Variants in KIAA0408 observed in about 807,000 individuals in gnomAD.
KIAA0408 encodes KIAA0408.
KIAA0408 carries 51 observed loss-of-function variants against 60.9 expected under a neutral mutation model. That is an observed-to-expected ratio of 0.84 (90% CI 0.67 to 1.06). The LOEUF is 1.06. KIAA0408 is among the 50% of genes least tolerant of loss of function. The pLI is 0.00. For missense variants in KIAA0408, 787 were observed against 833.9 expected (o/e 0.94, Z 0.69); for synonymous variants, 304 against 282.4 (o/e 1.08, Z -0.77).
At chr6:127,446,150 G>C (rs771172947) in intron 5 of KIAA0408, among the ~76,000 whole-genome samples, 13 of 152,050 alleles carry the variant, frequency 8.5e-5, no homozygotes, top group Non-Finnish European at 1.8e-4. Context: ...ATCTTCTTCA[G>C]GTTCCTAAAT....
chr6:127,445,423 T>C (rs17054679), intron 5 of KIAA0408, among the ~76,000 whole-genome samples: 2,637 of 152,278 alleles, frequency 0.017, 71 homozygotes, highest in African/African-American at 0.059. Context: ...GGATACTTTC[T>C]GCACCTTATA....
At chr6:127,450,595 C>CA (rs1773285639) in intron 2 of KIAA0408, 2 of 392,748 alleles carry the variant, frequency 5.1e-6, no homozygotes, top group African/African-American at 4.2e-5. Context: ...GACTAGCAAT[C>CA]AATCATTCAA....
rs1436743463 is a variant in KIAA0408 at position 127,442,750 on chromosome 6, A to G, written c.*1359T>C. ...AATACATTTGGCATAAGAATTTCTT[A>G]GTAAAAGAAAAGCTTAAATAGAGTT... is the stretch of plus-strand genomic sequence containing the variant. On this transcript the variant is annotated 3_prime_UTR_variant, in exon 6 of 6. Transcript: ENST00000483725. 1 of 152,232 alleles carries G rather than the reference A, an allele frequency of 6.6e-6. No homozygotes were observed. The highest frequency in any genetic ancestry group is 1.5e-5 in the Non-Finnish European group (1 of 68,024). The allele number at this position is 152,232 out of a possible 1,614,324, so 9.4% of individuals were successfully genotyped here.
chr6:127,440,978 T>C lies in KIAA0408; in HGVS notation c.*3131A>G, dbSNP rs1482538362. The C allele has an allele frequency of 1.3e-5, 2 of 152,206 alleles. No individual in the cohort carries two copies. The highest frequency in any genetic ancestry group is 6.5e-5 in the Admixed American group (1 of 15,274). The allele number at this position is 152,206 out of a possible 1,614,324, so 9.4% of individuals were successfully genotyped here. ...TTAGATTTCATAAGACACTTAGCTT[T>C]ACTGGAGTTCACTGCAGAAAATGAG... On this transcript the variant is annotated 3_prime_UTR_variant, in exon 6 of 6. Coordinates refer to ENST00000483725, the MANE Select transcript of KIAA0408 (RefSeq NM_014702.5).
At chr6:127,454,634 C>T (rs1473095324) in intron 1 of KIAA0408, among the ~76,000 whole-genome samples, 1 of 152,076 alleles carries the variant, frequency 6.6e-6, no homozygotes, top group East Asian at 1.9e-4. Context: ...TGGTAGTCAA[C>T]TTAGGACTGA....
In KIAA0408 at chr6:127,447,410, A is replaced by C. The variant is rs2114793678; in HGVS notation, c.909T>G (p.Gly303=). ...LDHNSWVPHE[G]RSKRNYNPHF... is the part of the protein sequence containing the mutation. ...GAGGGTTGTAATTCCTTTTACTTCG[A>C]CCCTCATGGGGCACCCAGCTGTTGT... The change falls in exon 5 of 6, where the codon GGT becomes GGG. Residue 303 remains glycine (G), a synonymous_variant. Coordinates refer to ENST00000483725, the MANE Select transcript of KIAA0408 (RefSeq NM_014702.5). The C allele has an allele frequency of 6.2e-7, 1 of 1,613,298 alleles. No individual in the cohort carries two copies. The highest frequency in any genetic ancestry group is 8.5e-7 in the Non-Finnish European group (1 of 1,179,764).
Position 127,447,645 on chromosome 6 carries a change from A to T in KIAA0408, c.674T>A (p.Ile225Asn). ...MINNDQCILP[I>N]SLEKEKQKNR... Reference sequence around the variant, plus strand: ...TTTCTGTTTTTCTTTTTCTAAACTGATTGGAAGAATGCACTGGTCATTGTT... The same window carrying T: ...TTTCTGTTTTTCTTTTTCTAAACTGTTTGGAAGAATGCACTGGTCATTGTT... The change falls in exon 5 of 6, where the codon ATC becomes AAC. Residue 225 changes from isoleucine to asparagine, a missense_variant. Physicochemically the swap from Ile to Asn is moderately radical, Grantham distance 149. Around this residue, in one of 3 missense-constraint regions of KIAA0408, gnomAD observed 640 missense variants for 681.3 expected, o/e 0.94. Transcript: ENST00000483725. The T allele has an allele frequency of 6.2e-7, 1 of 1,612,286 alleles. No individual in the cohort carries two copies.
At chr6:127,453,824 A>G (rs1033256963) in intron 2 of KIAA0408, 23 bp downstream of exon 2, 8 of 1,608,710 alleles carry the variant, frequency 5.0e-6, no homozygotes, top group Non-Finnish European at 6.8e-6. Flanking sequence ...ATTACAGTAT[A>G]TCCAAAACAA....
intron 5 of KIAA0408, among the ~76,000 whole-genome samples, chr6:127,445,853 C>A (rs1327689858): frequency 6.6e-6 from 1 of 151,776 alleles, no homozygotes; most frequent in Admixed American, 6.6e-5. Context: ...TAAGAATAAC[C>A]TTATTTATAT....
At position 127,447,479 on chromosome 6, in the gene KIAA0408, C is replaced by T. The variant is rs138966810; in HGVS notation, c.840G>A (p.Ser280=). ...PRSTSRNFPS[S]DSEQAYERWK... is the part of the protein sequence containing the mutation. ...ATCTTTCATAGGCTTGTTCAGAATC[C>T]GAGCTGGGAAAATTTCGAGAGGTGC... Residue 280 remains serine (S), a synonymous_variant, in exon 5 of 6, where the codon TCG becomes TCA. Coordinates refer to ENST00000483725, the MANE Select transcript of KIAA0408 (RefSeq NM_014702.5). 1.2e-4 allele frequency: 189 copies of T among 1,613,452 alleles called. No homozygotes were observed. Among genetic ancestry groups the T allele is most frequent in the Middle Eastern group, 4.9e-4 (3 of 6,076 alleles).
intron 1 of KIAA0408, among the ~76,000 whole-genome samples, chr6:127,456,317 A>G (rs1583072836): frequency 6.6e-6 from 1 of 152,188 alleles, no homozygotes; most frequent in Non-Finnish European, 1.5e-5. Context: ...ACAATTATGT[A>G]GCAAATGGCT....
In KIAA0408 at chr6:127,443,438, A is replaced by C. The variant is rs1279128341; in HGVS notation, c.*671T>G. ...ACAAGGCTGATCTATTAAACTTGTG[A>C]CATTTTTATTTAAAAAGAATAAACA... On this transcript the variant is annotated 3_prime_UTR_variant, in exon 6 of 6. Coordinates refer to ENST00000483725, the MANE Select transcript of KIAA0408 (RefSeq NM_014702.5). 6.6e-6 allele frequency: 1 copy of C among 152,208 alleles called. No individual in the cohort carries two copies. The highest frequency in any genetic ancestry group is 1.9e-4 in the East Asian group (1 of 5,200). 9.4% of individuals were successfully genotyped at this position (152,208 alleles called of 1,614,324 possible).
chr6:127,457,014 A>G (rs1773407610), intron 1 of KIAA0408, among the ~76,000 whole-genome samples: 1 of 151,978 alleles, frequency 6.6e-6, no homozygotes, highest in Admixed American at 6.6e-5. Flanking sequence ...CTCTGGAAAA[A>G]AAACAGATTA....
intron 2 of KIAA0408, chr6:127,450,982 C>T (rs3756997): frequency 0.55 from 88,048 of 160,646 alleles, 25,128 homozygotes; most frequent in Non-Finnish European, 0.6. Flanking sequence ...CAATACCCTA[C>T]GTGATATAAT....
rs746294173 is a variant in KIAA0408 at position 127,444,161 on chromosome 6, C to T, written c.2033G>A (p.Arg678Lys). 3 of 1,613,950 alleles carry T rather than the reference C, an allele frequency of 1.9e-6. No homozygotes were observed. The South Asian group carries it at 3.3e-5, about 18-fold the overall frequency. ...AGAAATGGTATAGTTGTGGGTAGTTCTCCGCAAGGCAGGGGGTGCAGATGG... is the reference window on the plus strand; with the variant it reads ...AGAAATGGTATAGTTGTGGGTAGTTTTCCGCAAGGCAGGGGGTGCAGATGG... Reference protein sequence around the residue: ...RSPSAPPALRRTTHNYTISLR... With the variant: ...RSPSAPPALRKTTHNYTISLR... Residue 678 changes from arginine to lysine, a missense_variant, in exon 6 of 6, where the codon AGA becomes AAA. Transcript: ENST00000483725.
At chr6:127,455,981 A>C (rs1170758817) in intron 1 of KIAA0408, among the ~76,000 whole-genome samples, 1 of 152,174 alleles carries the variant, frequency 6.6e-6, no homozygotes, top group Non-Finnish European at 1.5e-5. Flanking sequence ...AATACCTAGT[A>C]ATCTTTTAGG....
rs1281651120 is a variant in KIAA0408 at position 127,438,747 on chromosome 6, A to T, written c.*5362T>A. On this transcript the variant is annotated 3_prime_UTR_variant, in exon 6 of 6. Transcript: ENST00000483725. ...AAAAGTATAGCAAAAATATTGTATT[A>T]TAATCTTATCATCATATATGTGCAT... 6.6e-6 allele frequency: 1 copy of T among 152,246 alleles called. No individual in the cohort carries two copies. Among genetic ancestry groups the T allele is most frequent in the African/African-American group, 2.4e-5 (1 of 41,468 alleles). 9.4% of individuals were successfully genotyped at this position (152,246 alleles called of 1,614,324 possible).
rs986661000 is a variant in KIAA0408, at chr6:127,447,174, C to T, written c.1145G>A (p.Cys382Tyr). 3.7e-6 allele frequency: 6 copies of T among 1,612,632 alleles called. No individual in the cohort carries two copies. The highest frequency in any genetic ancestry group is 5.1e-6 in the Non-Finnish European group (6 of 1,179,470). Reference protein sequence around the residue: ...SPSTSWFQKTCSTPSNPKYEM... With the variant: ...SPSTSWFQKTYSTPSNPKYEM... ...ATATTTTGGATTACTGGGGGTAGAG[C>T]AGGTTTTCTGAAACCACGAAGTAGA... The change falls in exon 5 of 6, where the codon TGC becomes TAC. Residue 382 changes from cysteine to tyrosine, a missense_variant. By Grantham distance (194) the Cys-to-Tyr change is radical (BLOSUM62 -2). This residue lies in a region of KIAA0408 where 640 missense variants were observed against 681.3 expected (regional missense o/e 0.94). Coordinates refer to ENST00000483725, the MANE Select transcript of KIAA0408 (RefSeq NM_014702.5).
In KIAA0408 at chr6:127,441,565, T is replaced by C. The variant is rs1322609800; in HGVS notation, c.*2544A>G. The C allele has an allele frequency of 6.6e-6, 1 of 152,218 alleles. No homozygotes were observed. The highest frequency in any genetic ancestry group is 1.5e-5 in the Non-Finnish European group (1 of 68,036). The allele number at this position is 152,218 out of a possible 1,614,324, so 9.4% of individuals were successfully genotyped here. A position where few individuals can be genotyped will look rare whatever the true frequency, so the allele number is the denominator to read the frequency against. ...GCTAGGGAAAACATCTATTAATATATGTTTTTAAATCAAATATTTCCAGAA... is the reference window on the plus strand; with the variant it reads ...GCTAGGGAAAACATCTATTAATATACGTTTTTAAATCAAATATTTCCAGAA... On this transcript the variant is annotated 3_prime_UTR_variant, in exon 6 of 6. Transcript: ENST00000483725.
Sources: allele counts gnomAD v4.1 joint callset (sites outside exome capture counted in the v4.1 genomes callset), GRCh38; gene constraint gnomAD v4.1.1; regional missense constraint gnomAD v4.1.1; transcripts MANE v1.5; gene names NCBI Gene and HGNC (gene_info 2026-07-23, HGNC 2026-07-21).